The following SOX6 variants were observed in gnomAD, a reference collection of about 807,000 sequenced individuals.
SOX6 encodes the protein transcription factor SOX-6.
A neutral mutation model predicts 97.8 loss-of-function variants in SOX6; 11 were observed. The ratio of observed to expected loss-of-function variants is 0.11; its 90% CI spans 0.07 to 0.19. The LOEUF is 0.19. Among genes scored for constraint, SOX6 ranks in the 10% least tolerant of loss-of-function variants. The probability of loss-of-function intolerance (pLI) is 1.00; values close to 1 mark genes in which losing one functional copy is unlikely to be tolerated. For synonymous variants in SOX6, 360 were observed against 371.4 expected, an observed-to-expected ratio of 0.97 and a Z score of 0.35; for missense variants, 810 against 1,039.5, an observed-to-expected ratio of 0.78 and a Z score of 3.04.
At chr11:16,021,689 AATTTGTCTAGTTTCTCATAC>A (rs1235663072) in intron 12 of SOX6, among the ~76,000 whole-genome samples, 1 of 152,030 alleles carries the variant, frequency 6.6e-6, no homozygotes, top group Non-Finnish European at 1.5e-5. Context: ...TAAAGCTATT[AATTTGTCTAGTTTCTCATAC>A]ATTTTTAACA....
chr11:16,406,639 T>C (rs1400901886), intron 1 of SOX6, among the ~76,000 whole-genome samples: 3 of 152,120 alleles, frequency 2.0e-5, no homozygotes, highest in African/African-American at 4.8e-5. Context: ...GCTAAATGAC[T>C]GATCTCAGAG....
chr11:16,651,927 C>T (rs1847659274), intron 3 of SOX6, among the ~76,000 whole-genome samples: 1 of 152,006 alleles, frequency 6.6e-6, no homozygotes, highest in African/African-American at 2.4e-5. Context: ...CTTCAGAATA[C>T]AAAATTTATG....
At chr11:16,026,878 A>G (rs1374025357) in intron 12 of SOX6, among the ~76,000 whole-genome samples, 1 of 152,226 alleles carries the variant, frequency 6.6e-6, no homozygotes, top group African/African-American at 2.4e-5. Flanking sequence ...GTTTAAAAGA[A>G]GAAGAAAATA....
intron 4 of SOX6, among the ~76,000 whole-genome samples, chr11:16,595,018 T>C (rs1404915646): frequency 6.6e-6 from 1 of 152,174 alleles, no homozygotes; most frequent in African/African-American, 2.4e-5. Context: ...TTAAGGAACT[T>C]AATTGAAAAT....
At chr11:16,063,593 G>C (rs567892040) in intron 9 of SOX6, among the ~76,000 whole-genome samples, 1 of 124,366 alleles carries the variant, frequency 8.0e-6, no homozygotes, top group East Asian at 2.5e-4. Flanking sequence ...ATCTCTAATG[G>C]AGTGTGCCAA....
rs1343769164 is a variant in SOX6 at position 16,225,260 on chromosome 11, C to T, written c.535+9322G>A. ...TGAACTTTGCTATTAAAAATTTTAT[C>T]AGAGTTGAAAAGTGGCAGATGATTA... On this transcript the variant is annotated intron_variant, in intron 4 of 15. Coordinates refer to ENST00000683767, the MANE Select transcript of SOX6 (RefSeq NM_001367873.1). Among the ~76,000 whole-genome samples the T allele has an allele frequency of 1.4e-4, 21 of 151,754 alleles. 1 individual carries two copies. Among genetic ancestry groups the T allele is most frequent in the Non-Finnish European group, 7.4e-5 (5 of 67,894 alleles).
chr11:16,181,510 A>T (rs990091129), intron 6 of SOX6, among the ~76,000 whole-genome samples: 15 of 150,932 alleles, frequency 9.9e-5, no homozygotes, highest in Non-Finnish European at 1.5e-4. Context: ...CTTAAATTTG[A>T]TTAAATTTCA....
intron 9 of SOX6, among the ~76,000 whole-genome samples, chr11:16,083,861 G>A (rs1368820581): frequency 6.6e-6 from 1 of 152,142 alleles, no homozygotes; most frequent in Non-Finnish European, 1.5e-5. Context: ...TAGGTACCAG[G>A]AAGATTAATT....
chr11:16,400,402 C>T (rs1176543023), intron 1 of SOX6, among the ~76,000 whole-genome samples: 2 of 151,414 alleles, frequency 1.3e-5, no homozygotes, highest in Non-Finnish European at 3.0e-5. Flanking sequence ...ATACTACAAT[C>T]ATGGGAGTTA....
chr11:16,563,612 A>G (rs1009393691), intron 4 of SOX6, among the ~76,000 whole-genome samples: 1 of 152,232 alleles, frequency 6.6e-6, no homozygotes, highest in Non-Finnish European at 1.5e-5. Flanking sequence ...AATGTCAGGA[A>G]ACTTTGAGGA....
At chr11:16,132,325 A>G (rs1161773355) in intron 6 of SOX6, among the ~76,000 whole-genome samples, 3 of 106,032 alleles carry the variant, frequency 2.8e-5, no homozygotes, top group Non-Finnish European at 4.0e-5. Context: ...GAAGGAAGGA[A>G]GGAAGGAAAG....
At chr11:16,126,298 C>A (rs1353634321) in intron 6 of SOX6, among the ~76,000 whole-genome samples, 1 of 152,024 alleles carries the variant, frequency 6.6e-6, no homozygotes, top group Non-Finnish European at 1.5e-5. Flanking sequence ...ACAGTTCCCC[C>A]AAATGAATGA....
At chr11:16,528,437 G>C (rs1248886603) in intron 4 of SOX6, among the ~76,000 whole-genome samples, 1 of 151,994 alleles carries the variant, frequency 6.6e-6, no homozygotes, top group Non-Finnish European at 1.5e-5. Flanking sequence ...TGTGAAGGGA[G>C]GGCTAGGGTC....
intron 6 of SOX6, among the ~76,000 whole-genome samples, chr11:16,175,785 T>C (rs541187646): frequency 6.6e-6 from 1 of 152,056 alleles, no homozygotes; most frequent in South Asian, 2.1e-4. Context: ...ATTTTTGTCT[T>C]ATTTTGTGCT....
chr11:16,187,064 G>A (rs1851499011), intron 4 of SOX6, 109 bp from the exon 5 acceptor site: 1 of 1,244,084 alleles, frequency 8.0e-7, no homozygotes, highest in Non-Finnish European at 1.2e-6. Flanking sequence ...TTAAAGATCT[G>A]GGACAATGAC....
At chr11:16,434,127 C>T (rs2133078924) in intron 1 of SOX6, 1 of 152,150 alleles carries the variant, frequency 6.6e-6, no homozygotes, top group South Asian at 2.1e-4. Flanking sequence ...GGAAAACAGG[C>T]TCAGCATTTT....
chr11:16,314,204 A>G (rs1312038727), intron 3 of SOX6: 2 of 152,166 alleles, frequency 1.3e-5, no homozygotes, highest in African/African-American at 4.8e-5. Context: ...TCAGTCTTAT[A>G]TCCCATATGC....
chr11:16,263,434 T>C (rs1173877006), intron 3 of SOX6, among the ~76,000 whole-genome samples: 1 of 151,972 alleles, frequency 6.6e-6, no homozygotes, highest in Non-Finnish European at 1.5e-5. Context: ...ATGCTTTCTA[T>C]TTTAAACTTT....
chr11:16,368,776 A>C (rs1435358051), intron 1 of SOX6, among the ~76,000 whole-genome samples: 1 of 152,176 alleles, frequency 6.6e-6, no homozygotes, highest in African/African-American at 2.4e-5. Context: ...GTAAACTATC[A>C]AGAAAATGAA....
Sources: allele counts gnomAD v4.1 joint callset (sites outside exome capture counted in the v4.1 genomes callset), GRCh38; gene constraint gnomAD v4.1.1; transcripts MANE v1.5; gene names NCBI Gene and HGNC (gene_info 2026-07-23, HGNC 2026-07-21).